Variants in RORB observed in about 807,000 individuals in gnomAD.
RORB encodes the protein nuclear receptor ROR-beta.
In RORB, 6 loss-of-function variants were observed where a neutral mutation model predicts 59.1. That is an observed-to-expected ratio of 0.10 (90% CI 0.06 to 0.20). RORB has a LOEUF of 0.20. Among genes scored for constraint, RORB ranks in the 10% least tolerant of loss-of-function variants. The pLI, the probability that RORB is intolerant of heterozygous loss-of-function variation, is 1.00. For missense variants in RORB, 320 were observed against 560.5 expected (o/e 0.57, Z 4.33); for synonymous variants, 215 against 204.5 (o/e 1.05, Z -0.44).
At chr9:74,590,394 G>A (rs76215898) in intron 1 of RORB, among the ~76,000 whole-genome samples, 5,254 of 152,240 alleles carry the variant, frequency 0.035, 144 homozygotes, top group Non-Finnish European at 0.05. Context: ...AATCATCTGG[G>A]TTATAATCTA....
In RORB at chr9:74,498,328, G is replaced by T. The variant is rs1238583481; in HGVS notation, c.7+345G>T. Reference sequence around the variant, plus strand: ...GGATGGAGAAAGCCGAAAGAGGGATGCCTCTGGACAGGAGCAGTTTGGAAG... The same window carrying T: ...GGATGGAGAAAGCCGAAAGAGGGATTCCTCTGGACAGGAGCAGTTTGGAAG... On this transcript the variant is annotated intron_variant, in intron 1 of 9. Transcript: ENST00000376896. 15 of 324,880 alleles carry T rather than the reference G, an allele frequency of 4.6e-5. No homozygotes were observed. In the East Asian group the frequency reaches 8.0e-4, roughly 17 times the overall value. 20.1% of individuals were successfully genotyped at this position (324,880 alleles called of 1,614,324 possible). A position where few individuals can be genotyped will look rare whatever the true frequency, so the allele number is the denominator to read the frequency against.
chr9:74,655,297 C>T (rs969124040), intron 4 of RORB, among the ~76,000 whole-genome samples: 2 of 152,100 alleles, frequency 1.3e-5, no homozygotes, highest in East Asian at 1.9e-4. Flanking sequence ...TGTGCATCAC[C>T]TTTGGAGGTG....
At position 74,560,746 on chromosome 9, in the gene RORB, C is replaced by T. The variant is rs150441192; in HGVS notation, c.7+62763C>T. 6.5e-4 allele frequency among the ~76,000 whole-genome samples: 99 copies of T among 151,886 alleles called. No individual in the cohort carries two copies. In the East Asian group the frequency reaches 0.011, roughly 17 times the overall value. On this transcript the variant is annotated intron_variant, in intron 1 of 9. Transcript: ENST00000376896. ...CCTATTTCAGTATTGATAAATGGTACGTGATTATCACAGTTTATTTGTAGT... is the reference window on the plus strand; with the variant it reads ...CCTATTTCAGTATTGATAAATGGTATGTGATTATCACAGTTTATTTGTAGT...
At chr9:74,626,760 A>G (rs1366887334) in intron 1 of RORB, among the ~76,000 whole-genome samples, 5 of 152,244 alleles carry the variant, frequency 3.3e-5, no homozygotes, top group Admixed American at 2.6e-4. Flanking sequence ...ACAAGAGCCT[A>G]TGCCTGTTAT....
intron 7 of RORB, 81 bp downstream of exon 7, chr9:74,665,676 G>A (rs1361118839): frequency 3.4e-6 from 3 of 884,238 alleles, no homozygotes; most frequent in Non-Finnish European, 5.7e-6. Flanking sequence ...TAAATGAAAT[G>A]CCTTGATTCT....
At chr9:74,616,676 T>G in intron 1 of RORB, among the ~76,000 whole-genome samples, 1 of 152,190 alleles carries the variant, frequency 6.6e-6, no homozygotes, top group East Asian at 1.9e-4. Flanking sequence ...GTCTATGTAC[T>G]TAATCCTCTT....
intron 1 of RORB, among the ~76,000 whole-genome samples, chr9:74,570,671 G>A (rs1470839556): frequency 2.0e-5 from 3 of 152,050 alleles, no homozygotes; most frequent in Admixed American, 2.0e-4. Context: ...AAGAATTCTA[G>A]AAGAATTCTT....
intron 1 of RORB, among the ~76,000 whole-genome samples, chr9:74,616,221 G>A (rs78401639): frequency 0.013 from 1,938 of 152,074 alleles, 18 homozygotes; most frequent in Middle Eastern, 0.024. Flanking sequence ...GGCAAATTTG[G>A]AGCACTTGTT....
At chr9:74,606,752 T>C (rs996532818) in intron 1 of RORB, among the ~76,000 whole-genome samples, 6 of 152,238 alleles carry the variant, frequency 3.9e-5, no homozygotes, top group African/African-American at 1.4e-4. Flanking sequence ...TGTACCTGTA[T>C]TCTTTCTGAC....
chr9:74,524,508 A>G (rs1194805144), intron 1 of RORB, among the ~76,000 whole-genome samples: 1 of 151,938 alleles, frequency 6.6e-6, no homozygotes, highest in African/African-American at 2.4e-5. Flanking sequence ...TTTCCTTTCT[A>G]CAAGATGAGC....
At chr9:74,637,651 A>G (rs1423845359) in intron 3 of RORB, among the ~76,000 whole-genome samples, 1 of 152,076 alleles carries the variant, frequency 6.6e-6, no homozygotes, top group Non-Finnish European at 1.5e-5. Flanking sequence ...CAATTGTGCT[A>G]CTATAAATTG....
intron 1 of RORB, among the ~76,000 whole-genome samples, chr9:74,622,817 G>A (rs963726266): frequency 1.3e-5 from 2 of 152,136 alleles, no homozygotes; most frequent in Middle Eastern, 3.4e-3. Flanking sequence ...GAGCCACCGT[G>A]CCCAGCCACA....
chr9:74,614,420 T>C lies in RORB; in HGVS notation c.8-15862T>C, dbSNP rs188432861. On this transcript the variant is annotated intron_variant, in intron 1 of 9. Coordinates refer to ENST00000376896, the MANE Select transcript of RORB (RefSeq NM_006914.4). ...AAAGCCATTTGTCATAATAGTGTAT[T>C]GTATTTTCTACTAAATGAGTAGATT... 4.6e-5 allele frequency among the ~76,000 whole-genome samples: 7 copies of C among 152,260 alleles called. No homozygotes were observed. The East Asian group carries it at 1.4e-3, about 29-fold the overall frequency.
intron 1 of RORB, chr9:74,498,419 G>A: frequency 5.7e-6 from 1 of 174,318 alleles, no homozygotes; most frequent in Non-Finnish European, 1.2e-5. Context: ...GGGGCAGGGT[G>A]GACACGCGCG....
chr9:74,672,390 T>C (rs769507504), intron 9 of RORB, among the ~76,000 whole-genome samples: 14 of 152,192 alleles, frequency 9.2e-5, no homozygotes, highest in Non-Finnish European at 1.8e-4. Flanking sequence ...TTCTAGTAGA[T>C]ACTACCTAGT....
At chr9:74,591,394 T>C (rs1459956518) in intron 1 of RORB, among the ~76,000 whole-genome samples, 2 of 152,194 alleles carry the variant, frequency 1.3e-5, no homozygotes, top group Admixed American at 6.5e-5. Context: ...TTAACTCCCT[T>C]TTTAAGATGC....
chr9:74,594,049 C>T (rs747344413), intron 1 of RORB, among the ~76,000 whole-genome samples: 11 of 152,156 alleles, frequency 7.2e-5, no homozygotes, highest in Non-Finnish European at 1.6e-4. Context: ...AATAATGGTG[C>T]TTGAAATAGC....
chr9:74,604,540 T>A lies in RORB; in HGVS notation c.8-25742T>A, dbSNP rs1823120696. Among the ~76,000 whole-genome samples, 3 of 152,220 alleles carry A rather than the reference T, an allele frequency of 2.0e-5. No individual in the cohort carries two copies. In the South Asian group the frequency reaches 6.2e-4, roughly 31 times the overall value. On this transcript the variant is annotated intron_variant, in intron 1 of 9. Coordinates refer to ENST00000376896, the MANE Select transcript of RORB (RefSeq NM_006914.4). Reference sequence around the variant, plus strand: ...TTCTTTAGTAAAATGTTCCTACTCATCTGAAAAATTCTTTAGCCGTTGGGA... The same window carrying A: ...TTCTTTAGTAAAATGTTCCTACTCAACTGAAAAATTCTTTAGCCGTTGGGA...
chr9:74,638,195 T>C (rs1053151081), intron 3 of RORB, among the ~76,000 whole-genome samples: 1 of 152,204 alleles, frequency 6.6e-6, no homozygotes, highest in Admixed American at 6.5e-5. Context: ...AAGTCATAGA[T>C]TGATAGTCAG....
Sources: gnomAD v4.1 joint callset for allele counts (sites outside exome capture counted in the v4.1 genomes callset) on GRCh38, gnomAD v4.1.1 for gene constraint, MANE v1.5 for transcripts, NCBI Gene and HGNC (gene_info 2026-07-23, HGNC 2026-07-21) for gene names.